LINGO2: variants seen among roughly 807,000 people sequenced by gnomAD.
LINGO2 encodes leucine rich repeat and Ig domain containing 2, also known as leucine-rich repeat and immunoglobulin-like domain-containing nogo receptor-interacting protein 2.
LINGO2 carries 14 observed loss-of-function variants against 30.6 expected under a neutral mutation model. The ratio of observed to expected loss-of-function variants is 0.46; its 90% CI spans 0.30 to 0.72. The LOEUF (loss-of-function observed/expected upper bound fraction) is 0.72, where lower values mean the gene tolerates loss of function less well. Ranked by LOEUF, LINGO2 falls within the 30% of genes least tolerant of loss-of-function variation. The probability of loss-of-function intolerance (pLI) is 0.07; values close to 1 mark genes in which losing one functional copy is unlikely to be tolerated. For synonymous variants in LINGO2, 317 were observed against 288.5 expected, an observed-to-expected ratio of 1.10 and a Z score of -1.00; for missense variants, 729 against 751.7, an observed-to-expected ratio of 0.97 and a Z score of 0.35.
At chr9:28,394,689 A>T (rs942136741) in intron 2 of LINGO2, among the ~76,000 whole-genome samples, 14 of 152,208 alleles carry the variant, frequency 9.2e-5, no homozygotes, top group Non-Finnish European at 1.8e-4. Flanking sequence ...TAAGAAATAA[A>T]TTATTAGTAC....
At chr9:28,725,929 G>A in the LINGO2 span, among the ~76,000 whole-genome samples, 3 of 152,042 alleles carry the variant, frequency 2.0e-5, no homozygotes, top group East Asian at 5.8e-4. Flanking sequence ...TAAAGAGTTG[G>A]ATTTTTGTTT....
At chr9:28,257,186 G>C (rs539338822) in intron 4 of LINGO2, among the ~76,000 whole-genome samples, 1 of 151,790 alleles carries the variant, frequency 6.6e-6, no homozygotes, top group East Asian at 1.9e-4. Context: ...TAGATGACTG[G>C]AAGTAGAATT....
the LINGO2 span, among the ~76,000 whole-genome samples, chr9:29,192,781 C>T: frequency 1.3e-5 from 2 of 152,240 alleles, no homozygotes; most frequent in African/African-American, 2.4e-5. Context: ...TTAAGAAACT[C>T]CATCTCTCTG....
At chr9:28,137,395 C>T (rs1477275235) in intron 4 of LINGO2, among the ~76,000 whole-genome samples, 1 of 152,022 alleles carries the variant, frequency 6.6e-6, no homozygotes, top group Admixed American at 6.6e-5. Context: ...TTAAAGTACT[C>T]CTGAACACCT....
chr9:28,827,450 G>A, the LINGO2 span, among the ~76,000 whole-genome samples: 35 of 152,146 alleles, frequency 2.3e-4, no homozygotes, highest in South Asian at 2.7e-3. Flanking sequence ...TTATTTAATC[G>A]CTCTATGCCT....
chr9:28,716,527 A>T, the LINGO2 span, among the ~76,000 whole-genome samples: 1 of 152,094 alleles, frequency 6.6e-6, no homozygotes. Flanking sequence ...CCAGTATAGG[A>T]TCACGTATTT....
chr9:29,208,822 T>A, the LINGO2 span, among the ~76,000 whole-genome samples: 1 of 152,062 alleles, frequency 6.6e-6, no homozygotes, highest in African/African-American at 2.4e-5. Context: ...GGAATTCAAG[T>A]CTTCTGGTGT....
chr9:28,717,113 C>G, the LINGO2 span, among the ~76,000 whole-genome samples: 2 of 151,704 alleles, frequency 1.3e-5, no homozygotes, highest in Non-Finnish European at 2.9e-5. Flanking sequence ...AAGGCTCTGT[C>G]AAGTTCACAG....
At position 28,222,118 on chromosome 9, in the gene LINGO2, A is replaced by C. The variant is rs73447926; in HGVS notation, c.-87+73090T>G. Reference sequence around the variant, plus strand: ...AAAAAATTATAGAACAAAGGAAGATAAAAATATACACCTGAACATTTTTCT... The same window carrying C: ...AAAAAATTATAGAACAAAGGAAGATCAAAATATACACCTGAACATTTTTCT... On this transcript the variant is annotated intron_variant, in intron 4 of 5. Coordinates refer to ENST00000379992, the Ensembl canonical transcript of LINGO2. 5.4e-3 allele frequency among the ~76,000 whole-genome samples: 823 copies of C among 152,342 alleles called. 5 individuals are homozygous for C. The highest frequency in any genetic ancestry group is 0.019 in the African/African-American group (785 of 41,582).
At chr9:29,010,384 C>A in the LINGO2 span, among the ~76,000 whole-genome samples, 1 of 152,166 alleles carries the variant, frequency 6.6e-6, no homozygotes, top group Non-Finnish European at 1.5e-5. Context: ...TGTCCCAGAA[C>A]TGAGCCCTGA....
the LINGO2 span, among the ~76,000 whole-genome samples, chr9:29,070,852 G>A: frequency 0.2 from 29,569 of 150,084 alleles, 3,051 homozygotes; most frequent in African/African-American, 0.24. Context: ...TATTATTTAT[G>A]ATTAGAAGAA....
chr9:28,177,102 A>C (rs2133691174), intron 4 of LINGO2, among the ~76,000 whole-genome samples: 1 of 152,306 alleles, frequency 6.6e-6, no homozygotes, highest in South Asian at 2.1e-4. Flanking sequence ...AAAGATGTGG[A>C]TGCATCTATA....
chr9:29,039,146 A>C, the LINGO2 span, among the ~76,000 whole-genome samples: 1 of 152,180 alleles, frequency 6.6e-6, no homozygotes, highest in Non-Finnish European at 1.5e-5. Flanking sequence ...GAAAGATCTT[A>C]AAATGGGCTT....
intron 3 of LINGO2, among the ~76,000 whole-genome samples, chr9:28,345,627 A>C (rs952761777): frequency 6.6e-6 from 1 of 152,194 alleles, no homozygotes; most frequent in African/African-American, 2.4e-5. Flanking sequence ...ATGACTTCAG[A>C]AGGAAAACAA....
At chr9:28,351,402 G>A (rs886468788) in intron 3 of LINGO2, among the ~76,000 whole-genome samples, 13 of 151,418 alleles carry the variant, frequency 8.6e-5, no homozygotes, top group African/African-American at 2.9e-4. Context: ...AAATCTAGAA[G>A]AAATGGATAA....
At chr9:28,284,186 G>C (rs1823426392) in intron 4 of LINGO2, among the ~76,000 whole-genome samples, 1 of 152,102 alleles carries the variant, frequency 6.6e-6, no homozygotes. Context: ...CTCACTGAGG[G>C]GAAAAGTGAG....
At chr9:28,159,353 T>A (rs934274813) in intron 4 of LINGO2, among the ~76,000 whole-genome samples, 2 of 152,180 alleles carry the variant, frequency 1.3e-5, no homozygotes, top group African/African-American at 4.8e-5. Flanking sequence ...TGTAACTAGT[T>A]CTTTGTTTCA....
intron 2 of LINGO2, among the ~76,000 whole-genome samples, chr9:28,456,582 T>A (rs950782834): frequency 2.0e-5 from 3 of 152,202 alleles, no homozygotes; most frequent in Admixed American, 6.5e-5. Flanking sequence ...GACAAGAGAC[T>A]GTTGCAGATG....
chr9:28,970,608 C>A, the LINGO2 span, among the ~76,000 whole-genome samples: 23 of 152,214 alleles, frequency 1.5e-4, no homozygotes, highest in South Asian at 4.8e-3. Flanking sequence ...GCATTGAACT[C>A]TGGGCCGTGT....
Sources: allele counts gnomAD v4.1 joint callset (sites outside exome capture counted in the v4.1 genomes callset), GRCh38; gene constraint gnomAD v4.1.1; transcripts MANE v1.5; gene names NCBI Gene and HGNC (gene_info 2026-07-23, HGNC 2026-07-21).